The following LTBP1 variants were observed in gnomAD, a reference collection of about 807,000 sequenced individuals.
LTBP1 encodes the protein latent-transforming growth factor beta-binding protein 1.
In LTBP1, 129 loss-of-function variants were observed where a neutral mutation model predicts 207.6. The ratio of observed to expected loss-of-function variants is 0.62; its 90% CI spans 0.54 to 0.72. The LOEUF (loss-of-function observed/expected upper bound fraction) is 0.72, where lower values mean the gene tolerates loss of function less well. Ranked by LOEUF, LTBP1 falls within the 30% of genes least tolerant of loss-of-function variation. The probability of loss-of-function intolerance (pLI) is 0.00; values close to 1 mark genes in which losing one functional copy is unlikely to be tolerated. For missense variants in LTBP1, 2,281 were observed against 2,217.2 expected (o/e 1.03, Z -0.58); for synonymous variants, 963 against 833.7 (o/e 1.16, Z -2.67).
At chr2:33,343,109 ATATCCTATG>A in intron 25 of LTBP1, 146 bp downstream of exon 25, 3 of 1,026,894 alleles carry the variant, frequency 2.9e-6, no homozygotes, top group Non-Finnish European at 4.1e-6. Flanking sequence ...ATGTGCAAAA[ATATCCTATG>A]TTGGCTGGGT....
chr2:33,166,069 T>C (rs1447185541), intron 5 of LTBP1, among the ~76,000 whole-genome samples: 2 of 48,406 alleles, frequency 4.1e-5, no homozygotes, highest in African/African-American at 1.1e-4. Flanking sequence ...TAATGTATGT[T>C]TTTTTTTTTT....
chr2:33,084,220 A>G (rs1158121985), intron 3 of LTBP1, among the ~76,000 whole-genome samples: 3 of 152,238 alleles, frequency 2.0e-5, no homozygotes, highest in Non-Finnish European at 2.9e-5. Context: ...CAGCACATAC[A>G]TGTATCAGAT....
At chr2:33,315,397 C>T in intron 24 of LTBP1, 128 bp downstream of exon 24, 1 of 1,111,798 alleles carries the variant, frequency 9.0e-7, no homozygotes, top group Non-Finnish European at 1.3e-6. Flanking sequence ...ATGTATGCAT[C>T]AAAGTAAACC....
intron 3 of LTBP1, among the ~76,000 whole-genome samples, chr2:33,099,624 C>T (rs141624333): frequency 6.6e-6 from 1 of 152,170 alleles, no homozygotes; most frequent in South Asian, 2.1e-4. Context: ...TGAGTTAGGG[C>T]TCTCAGAGAT....
intron 18 of LTBP1, 133 bp downstream of exon 18, chr2:33,276,056 T>C: frequency 1.8e-6 from 2 of 1,134,752 alleles, no homozygotes; most frequent in Non-Finnish European, 2.4e-6. Context: ...GCTTCCTAGA[T>C]TCACAGGCTC....
At chr2:33,191,777 T>C (rs937577709) in intron 7 of LTBP1, among the ~76,000 whole-genome samples, 1 of 152,214 alleles carries the variant, frequency 6.6e-6, no homozygotes, top group African/African-American at 2.4e-5. Flanking sequence ...AGTGGAGCCG[T>C]CTTATTAATT....
At chr2:33,060,798 A>G (rs1207629000) in intron 3 of LTBP1, among the ~76,000 whole-genome samples, 1 of 152,138 alleles carries the variant, frequency 6.6e-6, no homozygotes, top group Non-Finnish European at 1.5e-5. Context: ...GTTTTCAAAC[A>G]AAAAATAGTA....
chr2:33,115,915 A>G (rs2080722572), intron 4 of LTBP1, among the ~76,000 whole-genome samples: 1 of 152,228 alleles, frequency 6.6e-6, no homozygotes, highest in Non-Finnish European at 1.5e-5. Flanking sequence ...TCTACATCAT[A>G]CTATGTGCTG....
At chr2:33,056,396 C>A in intron 3 of LTBP1, 2 of 1,206,188 alleles carry the variant, frequency 1.7e-6, no homozygotes, top group Non-Finnish European at 2.2e-6. Context: ...GGATGTTAGG[C>A]AAAATGCCGC....
intron 8 of LTBP1, among the ~76,000 whole-genome samples, chr2:33,221,746 C>T (rs574831161): frequency 6.6e-6 from 1 of 152,238 alleles, no homozygotes; most frequent in Admixed American, 6.5e-5. Context: ...TAAGAAAATC[C>T]AAAACCTAAA....
chr2:33,185,785 C>CTGG (rs199948619), intron 5 of LTBP1, among the ~76,000 whole-genome samples: 2,245 of 152,106 alleles, frequency 0.015, 21 homozygotes, highest in East Asian at 0.026. Flanking sequence ...ATAAACCGGC[C>CTGG]CAAGATAGAT....
At chr2:33,136,523 CAAG>C (rs1257063978) in intron 5 of LTBP1, among the ~76,000 whole-genome samples, 4 of 151,938 alleles carry the variant, frequency 2.6e-5, no homozygotes, top group African/African-American at 9.7e-5. Context: ...GGGCCACAGA[CAAG>C]GAGGGGAAAA....
chr2:33,198,071 A>C (rs1220047851), intron 7 of LTBP1, among the ~76,000 whole-genome samples: 3 of 152,198 alleles, frequency 2.0e-5, no homozygotes, highest in African/African-American at 2.4e-5. Flanking sequence ...ACATGAACCC[A>C]CTTTTATAGT....
intron 26 of LTBP1, among the ~76,000 whole-genome samples, chr2:33,355,153 C>T (rs545908766): frequency 5.9e-5 from 9 of 152,062 alleles, no homozygotes; most frequent in South Asian, 4.2e-4. Context: ...GCCCTCATGA[C>T]GCCCGAGTGT....
At position 33,370,298 on chromosome 2, in the gene LTBP1, C is replaced by T. The variant is rs545511408; in HGVS notation, c.4711+4795C>T. On this transcript the variant is annotated intron_variant, in intron 31 of 33. Coordinates refer to ENST00000404816, the MANE Select transcript of LTBP1 (RefSeq NM_206943.4). ...TAATAGCATGTGAACATAAATTAAG[C>T]GTAGACAAATGCAGAAATAATTGTT... Among the ~76,000 whole-genome samples the T allele has an allele frequency of 2.0e-5, 3 of 152,288 alleles. 1 individual carries two copies. The South Asian group carries it at 6.2e-4, about 32-fold the overall frequency.
At chr2:33,088,079 T>C (rs1192237427) in intron 3 of LTBP1, among the ~76,000 whole-genome samples, 1 of 152,252 alleles carries the variant, frequency 6.6e-6, no homozygotes, top group African/African-American at 2.4e-5. Flanking sequence ...TGTCAAGTGC[T>C]ATAATACAAA....
At chr2:33,006,877 C>G (rs1414362803) in intron 2 of LTBP1, among the ~76,000 whole-genome samples, 1 of 152,050 alleles carries the variant, frequency 6.6e-6, no homozygotes, top group Non-Finnish European at 1.5e-5. Flanking sequence ...GTTTTGTTTG[C>G]AAATGCATCA....
intron 26 of LTBP1, among the ~76,000 whole-genome samples, chr2:33,359,179 A>G (rs938411501): frequency 2.6e-5 from 4 of 152,232 alleles, no homozygotes; most frequent in Non-Finnish European, 5.9e-5. Flanking sequence ...AGAATTGGCC[A>G]GAATCAACTG....
intron 7 of LTBP1, among the ~76,000 whole-genome samples, chr2:33,193,330 C>T (rs190110990): frequency 6.4e-4 from 98 of 152,148 alleles, no homozygotes; most frequent in African/African-American, 2.2e-3. Context: ...TTAGTAGAGA[C>T]GGGGTTTCAC....
Sources: allele counts gnomAD v4.1 joint callset (sites outside exome capture counted in the v4.1 genomes callset), GRCh38; gene constraint gnomAD v4.1.1; transcripts MANE v1.5; gene names NCBI Gene and HGNC (gene_info 2026-07-23, HGNC 2026-07-21).